M1AP: variants seen among roughly 807,000 people sequenced by gnomAD.
M1AP encodes the protein meiosis 1 arrest protein.
A neutral mutation model predicts 51.2 loss-of-function variants in M1AP; 39 were observed. That is an observed-to-expected ratio of 0.76 (90% confidence interval 0.59 to 1.00). The LOEUF is 1.00. Ranked by LOEUF, M1AP falls within the 50% of genes least tolerant of loss-of-function variation. The probability of loss-of-function intolerance (pLI) is 0.00; values close to 1 mark genes in which losing one functional copy is unlikely to be tolerated. For synonymous variants in M1AP, 251 were observed against 249.2 expected (o/e 1.01, Z -0.07); for missense variants, 545 against 641.2 (o/e 0.85, Z 1.62).
intron 2 of M1AP, among the ~76,000 whole-genome samples, chr2:74,626,609 T>A (rs1682412946): frequency 6.6e-6 from 1 of 152,010 alleles, no homozygotes; most frequent in Non-Finnish European, 1.5e-5. Context: ...ACTGTGTGGT[T>A]TGTTTCCTGA....
chr2:74,587,043 G>A (rs1229555037), intron 4 of M1AP, among the ~76,000 whole-genome samples: 2 of 151,864 alleles, frequency 1.3e-5, no homozygotes, highest in Non-Finnish European at 1.5e-5. Flanking sequence ...GATTTTGGGC[G>A]AAGTGGAATA....
At chr2:74,577,968 GATC>G (rs1461634482) in intron 5 of M1AP, among the ~76,000 whole-genome samples, 1 of 152,210 alleles carries the variant, frequency 6.6e-6, no homozygotes, top group Non-Finnish European at 1.5e-5. Flanking sequence ...TTCCACCTCA[GATC>G]ATCAGGCATT....
chr2:74,628,668 C>A (rs1682537267), intron 2 of M1AP: 1 of 697,532 alleles, frequency 1.4e-6, no homozygotes, highest in Non-Finnish European at 2.5e-6. Context: ...GTGACTCCAC[C>A]AACATAGGCC....
intron 3 of M1AP, 105 bp downstream of exon 3, chr2:74,614,859 A>C: frequency 9.4e-7 from 1 of 1,063,518 alleles, no homozygotes; most frequent in Non-Finnish European, 1.4e-6. Flanking sequence ...TGAATATTAC[A>C]TCTAGAGTGA....
At chr2:74,623,273 G>A (rs1425774072) in intron 2 of M1AP, among the ~76,000 whole-genome samples, 1 of 152,126 alleles carries the variant, frequency 6.6e-6, no homozygotes, top group Non-Finnish European at 1.5e-5. Context: ...GGAGGCCGAG[G>A]TGGACAGACT....
At chr2:74,576,325 G>T in intron 6 of M1AP, 131 bp downstream of exon 6, 7 of 963,468 alleles carry the variant, frequency 7.3e-6, no homozygotes, top group Non-Finnish European at 1.1e-5. Flanking sequence ...TGCCATAGCT[G>T]TAACTGCTAC....
intron 7 of M1AP, among the ~76,000 whole-genome samples, chr2:74,565,524 T>C (rs1390941008): frequency 6.6e-6 from 1 of 152,016 alleles, no homozygotes; most frequent in African/African-American, 2.4e-5. Flanking sequence ...ATCATCTCAA[T>C]AGATGGAGAA....
At chr2:74,641,625 G>A (rs999561826) in intron 1 of M1AP, among the ~76,000 whole-genome samples, 6 of 151,088 alleles carry the variant, frequency 4.0e-5, no homozygotes, top group Admixed American at 3.3e-4. Flanking sequence ...AACATGCAAA[G>A]ACCAAGAATT....
chr2:74,561,118 G>A (rs1558643629), intron 8 of M1AP, among the ~76,000 whole-genome samples: 94 of 131,822 alleles, frequency 7.1e-4, no homozygotes, highest in African/African-American at 2.4e-3. Context: ...GGAGAAGGAG[G>A]AGGAGGAGAA....
intron 4 of M1AP, among the ~76,000 whole-genome samples, chr2:74,600,896 A>G (rs1680635038): frequency 6.6e-6 from 1 of 152,144 alleles, no homozygotes; most frequent in Non-Finnish European, 1.5e-5. Flanking sequence ...TTATATTCTT[A>G]ATAAATACGA....
intron 8 of M1AP, among the ~76,000 whole-genome samples, chr2:74,561,091 A>AAGGAGGAGGAGGAGG (rs1677910269): frequency 6.3e-5 from 3 of 47,870 alleles, no homozygotes; most frequent in African/African-American, 8.5e-5. Flanking sequence ...GGAGGAGGAG[A>AAGGAGGAGGAGGAGG]AGGAGAAGGA....
intron 5 of M1AP, among the ~76,000 whole-genome samples, chr2:74,579,103 G>A (rs774051892): frequency 6.6e-6 from 1 of 152,138 alleles, no homozygotes; most frequent in Non-Finnish European, 1.5e-5. Flanking sequence ...TGTGCATCCC[G>A]AAGACCTACA....
chr2:74,644,054 A>C (rs543551654), intron 1 of M1AP, among the ~76,000 whole-genome samples: 8 of 152,192 alleles, frequency 5.3e-5, no homozygotes, highest in Non-Finnish European at 7.3e-5. Flanking sequence ...AAAACAAAAG[A>C]AATATGATAA....
chr2:74,607,696 G>A (rs903003509), intron 3 of M1AP, among the ~76,000 whole-genome samples: 15 of 152,118 alleles, frequency 9.9e-5, no homozygotes, highest in South Asian at 8.3e-4. Context: ...GGCTGGTCTC[G>A]AACTCCTGAC....
intron 5 of M1AP, chr2:74,576,869 C>T: frequency 8.0e-7 from 1 of 1,244,184 alleles, no homozygotes; most frequent in East Asian, 3.6e-5. Flanking sequence ...CTTCAAGAGT[C>T]TGACATGATC....
At chr2:74,605,314 G>A (rs1038938159) in intron 4 of M1AP, among the ~76,000 whole-genome samples, 1 of 152,140 alleles carries the variant, frequency 6.6e-6, no homozygotes, top group Non-Finnish European at 1.5e-5. Flanking sequence ...TGGGCTCAGA[G>A]CAAAATGAAA....
intron 2 of M1AP, among the ~76,000 whole-genome samples, chr2:74,624,844 C>T (rs1219606100): frequency 6.6e-6 from 1 of 152,046 alleles, no homozygotes; most frequent in Non-Finnish European, 1.5e-5. Context: ...TAACCAATCC[C>T]CTATTTACAG....
intron 7 of M1AP, among the ~76,000 whole-genome samples, chr2:74,571,983 G>A (rs1288027456): frequency 2.0e-5 from 3 of 149,398 alleles, no homozygotes; most frequent in Non-Finnish European, 3.0e-5. Context: ...GGCAACAAGA[G>A]CGAAACTCCG....
At chr2:74,588,063 G>C (rs1478098072) in intron 4 of M1AP, among the ~76,000 whole-genome samples, 1 of 152,120 alleles carries the variant, frequency 6.6e-6, no homozygotes, top group Non-Finnish European at 1.5e-5. Flanking sequence ...GGAAAGTAGA[G>C]GCCCAGGAAA....
Sources: allele counts gnomAD v4.1 joint callset (sites outside exome capture counted in the v4.1 genomes callset), GRCh38; gene constraint gnomAD v4.1.1; transcripts MANE v1.5; gene names NCBI Gene and HGNC (gene_info 2026-07-23, HGNC 2026-07-21).